The following ROBO2 variants were observed in gnomAD, a reference collection of about 807,000 sequenced individuals.
ROBO2 encodes roundabout homolog 2.
Under a neutral mutation model 160.8 loss-of-function variants are expected in ROBO2, and 53 were observed. The observed-to-expected ratio is 0.33, with a 90% CI of 0.26 to 0.41. The LOEUF (loss-of-function observed/expected upper bound fraction) is 0.41, where lower values mean the gene tolerates loss of function less well. ROBO2 is among the 10% of genes least tolerant of loss of function. ROBO2 has a pLI of 1.00. For missense variants in ROBO2, 1,577 were observed against 1,722.4 expected, an observed-to-expected ratio of 0.92 and a Z score of 1.49; for synonymous variants, 664 against 611.7, an observed-to-expected ratio of 1.09 and a Z score of -1.26.
chr3:77,594,861 A>G (rs192007508), intron 17 of ROBO2, among the ~76,000 whole-genome samples: 12 of 152,314 alleles, frequency 7.9e-5, no homozygotes, highest in Admixed American at 5.9e-4. Flanking sequence ...ATATATACTA[A>G]TTGTAACAGG....
At chr3:76,688,581 A>C (rs1267479838) in intron 2 of ROBO2, among the ~76,000 whole-genome samples, 1 of 144,314 alleles carries the variant, frequency 6.9e-6, no homozygotes, top group Non-Finnish European at 1.5e-5. Flanking sequence ...TTTTTTGTAG[A>C]CTAGGGAGAG....
At chr3:76,993,845 C>G (rs1188073600) in intron 2 of ROBO2, among the ~76,000 whole-genome samples, 2 of 151,600 alleles carry the variant, frequency 1.3e-5, no homozygotes, top group East Asian at 3.9e-4. Context: ...CTATCTATAC[C>G]CATGTAGTAC....
At chr3:77,602,314 A>G in exon 20 of ROBO2, 1 of 1,614,198 alleles carries the variant, frequency 6.2e-7, no homozygotes, top group East Asian at 2.2e-5. Context: ...CAGTTACAAC[A>G]GTTCCAGCCA....
intron 2 of ROBO2, among the ~76,000 whole-genome samples, chr3:76,095,419 G>GA (rs1395343332): frequency 6.6e-6 from 1 of 151,398 alleles, no homozygotes; most frequent in Non-Finnish European, 1.5e-5. Flanking sequence ...TATAATAAAA[G>GA]AAAAAAAATT....
chr3:75,916,377 A>G (rs918042651), intron 1 of ROBO2, among the ~76,000 whole-genome samples: 3 of 152,144 alleles, frequency 2.0e-5, no homozygotes, highest in African/African-American at 7.2e-5. Flanking sequence ...GGGGATCACT[A>G]TTATTTGCTG....
rs535819458 is a variant in ROBO2, at chr3:76,821,893, T to G, written c.110-276121T>G. 2.6e-5 allele frequency among the ~76,000 whole-genome samples: 4 copies of G among 152,072 alleles called. No individual in the cohort carries two copies. The South Asian group carries it at 8.3e-4, about 31-fold the overall frequency. ...CAATGTCAGTGGTATAACACTAGAGTCAGCCTCTTCAACAGCCCTGTCCCC... is the reference window on the plus strand; with the variant it reads ...CAATGTCAGTGGTATAACACTAGAGGCAGCCTCTTCAACAGCCCTGTCCCC... On this transcript the variant is annotated intron_variant, in intron 2 of 26. Coordinates refer to the ROBO2 transcript ENST00000487694.
chr3:76,357,536 G>T (rs1414121013), intron 2 of ROBO2, among the ~76,000 whole-genome samples: 2 of 151,956 alleles, frequency 1.3e-5, no homozygotes, highest in Admixed American at 1.3e-4. Flanking sequence ...TCCTTTGTGG[G>T]TTGGGGTTGG....
At chr3:76,270,450 T>C (rs2107624401) in intron 2 of ROBO2, among the ~76,000 whole-genome samples, 1 of 152,218 alleles carries the variant, frequency 6.6e-6, no homozygotes, top group South Asian at 2.1e-4. Flanking sequence ...TGAGAGATTA[T>C]GAACTCATAA....
intron 2 of ROBO2, among the ~76,000 whole-genome samples, chr3:76,929,448 G>A (rs932995973): frequency 2.6e-5 from 4 of 152,082 alleles, no homozygotes; most frequent in Non-Finnish European, 4.4e-5. Flanking sequence ...TATCTTCAAA[G>A]TATATCCAGA....
chr3:76,788,872 A>G (rs1011293349), intron 2 of ROBO2, among the ~76,000 whole-genome samples: 2 of 151,628 alleles, frequency 1.3e-5, no homozygotes, highest in Non-Finnish European at 3.0e-5. Flanking sequence ...GATAATCAAA[A>G]GAAACTTAGG....
chr3:76,815,622 T>C (rs1452663548), intron 2 of ROBO2, among the ~76,000 whole-genome samples: 1 of 150,804 alleles, frequency 6.6e-6, no homozygotes, highest in African/African-American at 2.4e-5. Flanking sequence ...ACAAAATCAT[T>C]CTTTAAGGGC....
intron 24 of ROBO2, among the ~76,000 whole-genome samples, chr3:77,636,573 C>T (rs1185328195): frequency 2.6e-5 from 4 of 151,116 alleles, no homozygotes; most frequent in Non-Finnish European, 5.9e-5. Context: ...GCCTGGGCAA[C>T]AGAGCAAGAC....
intron 2 of ROBO2, among the ~76,000 whole-genome samples, chr3:76,766,849 G>A (rs1268688876): frequency 6.6e-6 from 1 of 151,484 alleles, no homozygotes; most frequent in African/African-American, 2.4e-5. Context: ...GACAGATATA[G>A]GACTATGGAA....
chr3:77,640,097 A>G (rs868752056), intron 24 of ROBO2, among the ~76,000 whole-genome samples: 2 of 65,440 alleles, frequency 3.1e-5, no homozygotes, highest in Non-Finnish European at 5.3e-5. Context: ...CAGAGGAAGC[A>G]TTTTTTTTTT....
intron 2 of ROBO2, among the ~76,000 whole-genome samples, chr3:76,776,592 C>G (rs1226552552): frequency 6.6e-6 from 1 of 150,764 alleles, no homozygotes; most frequent in Non-Finnish European, 1.5e-5. Flanking sequence ...AGCTCATTCC[C>G]CATGTGAATA....
rs78116345 is a variant in ROBO2 at position 76,327,649 on chromosome 3, T to A, written c.109+390047T>A. On this transcript the variant is annotated intron_variant, in intron 2 of 26. Transcript: ENST00000487694. ...CATAAATATAAACACTAATTTTGAA[T>A]GGCTTAAATATCATTGGCATCATTT... is the stretch of plus-strand genomic sequence containing the variant. Among the ~76,000 whole-genome samples the A allele has an allele frequency of 3.2e-3, 492 of 151,862 alleles. 17 individuals carry two copies. In the East Asian group the frequency reaches 0.088, roughly 27 times the overall value.
chr3:77,589,022 T>A (rs1386992184), intron 17 of ROBO2, 89 bp downstream of exon 18: 5 of 1,477,904 alleles, frequency 3.4e-6, no homozygotes, highest in Admixed American at 1.7e-5. Context: ...AACAAATGAG[T>A]GATTTGGGCT....
At chr3:76,501,037 T>C (rs2080436384) in intron 2 of ROBO2, among the ~76,000 whole-genome samples, 1 of 152,160 alleles carries the variant, frequency 6.6e-6, no homozygotes, top group South Asian at 2.1e-4. Flanking sequence ...TAACTTATCC[T>C]GCAAAATATC....
intron 2 of ROBO2, among the ~76,000 whole-genome samples, chr3:76,718,867 G>T (rs1428445004): frequency 2.6e-5 from 4 of 152,114 alleles, no homozygotes. Context: ...TACTTTTATT[G>T]AAAACATTTT....
Sources: gnomAD v4.1 joint callset for allele counts (sites outside exome capture counted in the v4.1 genomes callset) on GRCh38, gnomAD v4.1.1 for gene constraint, MANE v1.5 for transcripts, NCBI Gene and HGNC (gene_info 2026-07-23, HGNC 2026-07-21) for gene names.